GRAMD4: variants seen among roughly 807,000 people sequenced by gnomAD.
The protein encoded by GRAMD4 is GRAM domain-containing protein 4.
Under a neutral mutation model 83.9 loss-of-function variants are expected in GRAMD4, and 25 were observed. The ratio of observed to expected loss-of-function variants is 0.30; its 90% confidence interval spans 0.22 to 0.42. The LOEUF is 0.42. Ranked by LOEUF, GRAMD4 falls within the 10% of genes least tolerant of loss-of-function variation. The pLI, the probability that GRAMD4 is intolerant of heterozygous loss-of-function variation, is 1.00. For synonymous variants in GRAMD4, 336 were observed against 320.9 expected, an observed-to-expected ratio of 1.05 and a Z score of -0.50; for missense variants, 593 against 788.7, an observed-to-expected ratio of 0.75 and a Z score of 2.97.
chr22:46,634,772 C>G (rs1187945004), intron 2 of GRAMD4, among the ~76,000 whole-genome samples: 2 of 152,138 alleles, frequency 1.3e-5, no homozygotes, highest in African/African-American at 4.8e-5. Context: ...GAAACCCCGT[C>G]TGTACTAAAA....
upstream of GRAMD4, among the ~76,000 whole-genome samples, chr22:46,576,628 G>A (rs888218746): frequency 5.3e-5 from 8 of 152,194 alleles, no homozygotes; most frequent in Admixed American, 1.3e-4. Flanking sequence ...CGGGCTGCAG[G>A]TCCAGCCCCG....
chr22:46,642,444 G>C lies in GRAMD4; in HGVS notation c.283+4484G>C, dbSNP rs114805136. On this transcript the variant is annotated intron_variant, in intron 3 of 18. Transcript: ENST00000406902. ...CCTAAGTGCCTGTGTAACCTCATCAGACTTTTATTGTATCTTTGTTTTGCT... is the reference window on the plus strand; with the variant it reads ...CCTAAGTGCCTGTGTAACCTCATCACACTTTTATTGTATCTTTGTTTTGCT... Among the ~76,000 whole-genome samples, 569 of 152,338 alleles carry C rather than the reference G, an allele frequency of 3.7e-3. 3 individuals are homozygous for C. Among genetic ancestry groups the C allele is most frequent in the African/African-American group, 0.013 (539 of 41,574 alleles).
chr22:46,678,659 A>G lies in GRAMD4; in HGVS notation c.*1408A>G, dbSNP rs2082634232. 2 of 985,356 alleles carry G rather than the reference A, an allele frequency of 2.0e-6. No individual in the cohort carries two copies. Among genetic ancestry groups the G allele is most frequent in the Admixed American group, 6.1e-5 (1 of 16,274 alleles). The allele number at this position is 985,356 out of a possible 1,614,324, so 61.0% of individuals were successfully genotyped here. A position where few individuals can be genotyped will look rare whatever the true frequency, so the allele number is the denominator to read the frequency against. The stretch of plus-strand genomic sequence containing the variant: ...GTTTTTTGAAGAAACAGAAGATTCT[A>G]TTTTTTACAGCGAGCAAGCTGGTTT... On this transcript the variant is annotated 3_prime_UTR_variant, in exon 19 of 19. Transcript: ENST00000406902.
At chr22:46,616,460 G>A (rs1489264389), upstream of GRAMD4, among the ~76,000 whole-genome samples, 6 of 128,952 alleles carry the variant, frequency 4.7e-5, no homozygotes, top group African/African-American at 6.1e-5. Context: ...AGGTTCCCCC[G>A]TGTGTAGGTT....
chr22:46,654,809 G>A (rs1009005136), intron 3 of GRAMD4, among the ~76,000 whole-genome samples: 8 of 152,338 alleles, frequency 5.3e-5, no homozygotes, highest in South Asian at 2.1e-4. Context: ...TGGTGACACC[G>A]GGGTGGTCCC....
At position 46,668,806 on chromosome 22, in the gene GRAMD4, A is replaced by T; in HGVS notation, c.982A>T (p.Met328Leu). The change falls in exon 13 of 19, where the codon ATG becomes TTG. Residue 328 changes from methionine (M) to leucine (L), a missense_variant. Met to Leu is a conservative substitution (Grantham distance 15). Around this residue, in one of 4 missense-constraint regions of GRAMD4, gnomAD observed 171 missense variants for 199.6 expected, o/e 0.86. Transcript: ENST00000406902. Reference protein sequence around the residue: ...DILEKIKNLFMWVQPEITQKL... With the variant: ...DILEKIKNLFLWVQPEITQKL... ...CCTCCCGTCTCCTTCCAGCTTGTTC[A>T]TGTGGGTCCAGCCGGAGATCACACA... 5 of 1,496,990 alleles carry T rather than the reference A, an allele frequency of 3.3e-6. No individual in the cohort carries two copies. Among genetic ancestry groups the T allele is most frequent in the Non-Finnish European group, 3.6e-6 (4 of 1,106,806 alleles). The allele number at this position is 1,496,990 out of a possible 1,614,324, so 92.7% of individuals were successfully genotyped here. A position where few individuals can be genotyped will look rare whatever the true frequency, so the allele number is the denominator to read the frequency against.
chr22:46,642,418 T>C (rs1358243623), intron 3 of GRAMD4, among the ~76,000 whole-genome samples: 3 of 152,250 alleles, frequency 2.0e-5, no homozygotes, highest in African/African-American at 7.2e-5. Context: ...ACACCAGGAC[T>C]CCTAAGTGCC....
chr22:46,577,329 G>GT, intron 1 of GRAMD4: 1 of 979,654 alleles, frequency 1.0e-6, no homozygotes, highest in Non-Finnish European at 1.2e-6. Context: ...CCCCGACCTG[G>GT]TTGCCCCGCG....
intron 4 of GRAMD4, 33 bp from the exon 5 acceptor site, chr22:46,661,348 G>T (rs780369934): frequency 6.3e-7 from 1 of 1,586,452 alleles, no homozygotes; most frequent in Admixed American, 1.7e-5. Flanking sequence ...GGAACTAACA[G>T]ACCTCTTGTC....
In GRAMD4 at chr22:46,678,554, G is replaced by T. The variant is rs2542027; in HGVS notation, c.*1303G>T. On this transcript the variant is annotated 3_prime_UTR_variant, in exon 19 of 19. Coordinates refer to ENST00000406902, the MANE Select transcript of GRAMD4 (RefSeq NM_015124.5). Reference sequence around the variant, plus strand: ...CCTCCTGGAAGGAGGTGGCCACCCCGCGGGCCTGCGTGTCTGCTGGGGCGG... The same window carrying T: ...CCTCCTGGAAGGAGGTGGCCACCCCTCGGGCCTGCGTGTCTGCTGGGGCGG... The T allele has an allele frequency of 6.6e-4, 655 of 985,438 alleles. 1 individual carries two copies. The African/African-American group carries it at 0.01, about 16-fold the overall frequency. The allele number at this position is 985,438 out of a possible 1,614,324, so 61.0% of individuals were successfully genotyped here.
chr22:46,679,933 C>G (rs1046431830), downstream of GRAMD4: 12 of 205,258 alleles, frequency 5.8e-5, no homozygotes, highest in African/African-American at 2.8e-4. Flanking sequence ...CGTTTGGGTA[C>G]TGATGCGGCC....
In GRAMD4 at chr22:46,594,719, G is replaced by A. The variant is rs1186934334; in HGVS notation, c.-50+17429G>A. Among the ~76,000 whole-genome samples, 11 of 151,998 alleles carry A rather than the reference G, an allele frequency of 7.2e-5. No individual in the cohort carries two copies. In the East Asian group the frequency reaches 1.7e-3, roughly 24 times the overall value. ...TAGGAGGGCCGGACTGGAGATGGAGGCTGGGGCTGTCCTGGTCCCAGGTGA... is the reference window on the plus strand; with the variant it reads ...TAGGAGGGCCGGACTGGAGATGGAGACTGGGGCTGTCCTGGTCCCAGGTGA... On this transcript the variant is annotated intron_variant, in intron 1 of 1. Transcript: ENST00000431155.
At chr22:46,623,532 A>T (rs1461593964) in intron 1 of GRAMD4, among the ~76,000 whole-genome samples, 1 of 147,458 alleles carries the variant, frequency 6.8e-6, no homozygotes, top group Non-Finnish European at 1.5e-5. Context: ...GGACGCTTGG[A>T]CTACAGGTGC....
intron 8 of GRAMD4, 145 bp downstream of exon 8, chr22:46,664,262 G>C: frequency 1.5e-6 from 1 of 676,774 alleles, no homozygotes; most frequent in Admixed American, 2.1e-5. Flanking sequence ...TTCTCCTTCT[G>C]TAAAGTGGGC....
At chr22:46,649,748 A>G (rs1052901849) in intron 3 of GRAMD4, among the ~76,000 whole-genome samples, 1 of 152,262 alleles carries the variant, frequency 6.6e-6, no homozygotes, top group Admixed American at 6.5e-5. Context: ...TGACACCGCA[A>G]TAAATAAATG....
intron 9 of GRAMD4, among the ~76,000 whole-genome samples, chr22:46,666,326 C>T (rs150300150): frequency 3.0e-4 from 46 of 152,344 alleles, no homozygotes; most frequent in African/African-American, 1.0e-3. Flanking sequence ...GAACCTCAGC[C>T]TTGCACCGAG....
chr22:46,597,512 C>T (rs367915516), intron 1 of GRAMD4, among the ~76,000 whole-genome samples: 100 of 152,222 alleles, frequency 6.6e-4, no homozygotes, highest in South Asian at 5.2e-3. Context: ...TTTTTTGAGA[C>T]GGAGTCTCGC....
chr22:46,646,292 C>A (rs754039663), intron 3 of GRAMD4, among the ~76,000 whole-genome samples: 3 of 152,216 alleles, frequency 2.0e-5, no homozygotes, highest in Non-Finnish European at 4.4e-5. Context: ...GCCTTTTCCT[C>A]CTGAGCCCCT....
Position 46,653,081 on chromosome 22 carries a change from T to C in GRAMD4, c.284-5106T>C, listed in dbSNP as rs549002553. On this transcript the variant is annotated intron_variant, in intron 3 of 18. Coordinates refer to ENST00000406902, the MANE Select transcript of GRAMD4 (RefSeq NM_015124.5). ...TCATGGGAGAGCAGCGGTCAGACGC[T>C]CCAGCTGGTTTCGTTTACTTAGCTG... Among the ~76,000 whole-genome samples the C allele has an allele frequency of 3.3e-5, 5 of 152,332 alleles. No individual in the cohort carries two copies. In the South Asian group the frequency reaches 1.0e-3, roughly 32 times the overall value.
Sources: gnomAD v4.1 joint callset for allele counts (sites outside exome capture counted in the v4.1 genomes callset) on GRCh38, gnomAD v4.1.1 for gene constraint, gnomAD v4.1.1 regional missense constraint, MANE v1.5 for transcripts, NCBI Gene and HGNC (gene_info 2026-07-23, HGNC 2026-07-21) for gene names.